The following PLPPR4 variants were observed in gnomAD, a reference collection of about 807,000 sequenced individuals.
PLPPR4 encodes the protein phospholipid phosphatase-related protein type 4.
In PLPPR4, 24 loss-of-function variants were observed where a neutral mutation model predicts 56.6. That is an observed-to-expected ratio of 0.42 (90% CI 0.31 to 0.60). The LOEUF is 0.60. Among genes scored for constraint, PLPPR4 ranks in the 20% least tolerant of loss-of-function variants. The pLI, the probability that PLPPR4 is intolerant of heterozygous loss-of-function variation, is 0.13. For missense variants in PLPPR4, 654 were observed against 885.8 expected (o/e 0.74, Z 3.32); for synonymous variants, 326 against 328.1 (o/e 0.99, Z 0.07).
intron 2 of PLPPR4, among the ~76,000 whole-genome samples, chr1:99,293,201 G>C (rs1659665191): frequency 6.6e-6 from 1 of 152,128 alleles, no homozygotes; most frequent in Non-Finnish European, 1.5e-5. Flanking sequence ...TGAATAAAAA[G>C]ATCGGCTGAT....
chr1:99,302,041 CAT>C (rs1467862091), intron 6 of PLPPR4, 144 bp downstream of exon 6: 4 of 491,574 alleles, frequency 8.1e-6, no homozygotes, highest in Non-Finnish European at 1.4e-5. Flanking sequence ...TGCCAAAACA[CAT>C]ATCTCACTTT....
chr1:99,285,954 G>C (rs541945892), intron 1 of PLPPR4, among the ~76,000 whole-genome samples: 7 of 152,230 alleles, frequency 4.6e-5, no homozygotes, highest in African/African-American at 1.7e-4. Context: ...CTAAGCTATT[G>C]CTCCTTGGTG....
chr1:99,299,642 A>T (rs888670923), intron 4 of PLPPR4, among the ~76,000 whole-genome samples: 1 of 152,064 alleles, frequency 6.6e-6, no homozygotes, highest in African/African-American at 2.4e-5. Context: ...TCCATAAAAA[A>T]AATGTGAATT....
In PLPPR4 at chr1:99,301,788, T is replaced by C; in HGVS notation, c.713T>C (p.Phe238Ser). 1 of 1,612,646 alleles carries C rather than the reference T, an allele frequency of 6.2e-7. No individual in the cohort carries two copies. Among genetic ancestry groups the C allele is most frequent in the Non-Finnish European group, 8.5e-7 (1 of 1,178,980 alleles). Residue 238 changes from phenylalanine to serine, a missense_variant, in exon 6 of 7, where the codon TTT becomes TCT. Transcript: ENST00000370185. Reference sequence around the variant, plus strand: ...CTGAAACCTCTCTTGGTCTTCACATTTATCATCTGTGGAATAATCTGCGGG... The same window carrying C: ...CTGAAACCTCTCTTGGTCTTCACATCTATCATCTGTGGAATAATCTGCGGG... ...KLLKPLLVFT[F>S]IICGIICGLT...
chr1:99,282,838 A>G (rs1398947227), intron 1 of PLPPR4, among the ~76,000 whole-genome samples: 2 of 151,452 alleles, frequency 1.3e-5, no homozygotes, highest in African/African-American at 4.9e-5. Flanking sequence ...CACCTACTCA[A>G]ATAGGTCTTC....
intron 1 of PLPPR4, among the ~76,000 whole-genome samples, chr1:99,271,325 C>T (rs1158193128): frequency 6.6e-6 from 1 of 152,164 alleles, no homozygotes; most frequent in Non-Finnish European, 1.5e-5. Flanking sequence ...ACCAGGGACA[C>T]ATAGCAATGA....
At chr1:99,280,747 T>C (rs1183202245) in intron 1 of PLPPR4, among the ~76,000 whole-genome samples, 1 of 152,180 alleles carries the variant, frequency 6.6e-6, no homozygotes, top group African/African-American at 2.4e-5. Flanking sequence ...GAAATAAATG[T>C]GGAACCATAA....
At chr1:99,297,019 C>A in intron 3 of PLPPR4, 152 bp downstream of exon 3, 1 of 855,302 alleles carries the variant, frequency 1.2e-6, no homozygotes, top group Non-Finnish European at 1.6e-6. Context: ...ACTGTTAAAA[C>A]ACCAAAATTT....
chr1:99,285,904 A>T (rs1456710319), intron 1 of PLPPR4, among the ~76,000 whole-genome samples: 2 of 152,188 alleles, frequency 1.3e-5, no homozygotes, highest in Non-Finnish European at 2.9e-5. Flanking sequence ...TAGGTTAAGC[A>T]TGTGTGATAT....
intron 3 of PLPPR4, among the ~76,000 whole-genome samples, chr1:99,297,669 T>G (rs1659776263): frequency 6.6e-6 from 1 of 152,156 alleles, no homozygotes; most frequent in African/African-American, 2.4e-5. Flanking sequence ...CAAATTTCTT[T>G]CCCACAAGAG....
At chr1:99,264,240 C>G, upstream of PLPPR4, 1 of 558,484 alleles carries the variant, frequency 1.8e-6, no homozygotes, top group Non-Finnish European at 3.1e-6. Context: ...GCTCCGACAG[C>G]CTTGGAGCGT....
chr1:99,268,617 A>G (rs1047210769), intron 1 of PLPPR4, among the ~76,000 whole-genome samples: 1 of 152,166 alleles, frequency 6.6e-6, no homozygotes, highest in African/African-American at 2.4e-5. Flanking sequence ...GTTGACAGTA[A>G]TATTAGATGG....
chr1:99,299,144 C>T lies in PLPPR4; in HGVS notation c.504C>T (p.Thr168=), dbSNP rs1212417255. 1.9e-6 allele frequency: 3 copies of T among 1,613,026 alleles called. No homozygotes were observed. The highest frequency in any genetic ancestry group is 2.5e-6 in the Non-Finnish European group (3 of 1,179,246). ...YFLTVCKPNY[T]SLNVSCKENS... ...TGACTGTGTGCAAACCAAACTATAC[C>T]TCTCTGAATGTATCTTGCAAAGAAA... Residue 168 remains threonine, a synonymous_variant, in exon 4 of 7, where the codon ACC becomes ACT. Transcript: ENST00000370185.
intron 2 of PLPPR4, among the ~76,000 whole-genome samples, chr1:99,291,217 G>A (rs778885181): frequency 3.9e-5 from 6 of 152,118 alleles, no homozygotes; most frequent in Non-Finnish European, 8.8e-5. Context: ...TTAGAGAAAT[G>A]CAAATCAAAA....
chr1:99,280,084 A>C (rs1659283886), intron 1 of PLPPR4, among the ~76,000 whole-genome samples: 1 of 152,128 alleles, frequency 6.6e-6, no homozygotes, highest in African/African-American at 2.4e-5. Flanking sequence ...TTCAAACTGC[A>C]CCTTTCCCCT....
At chr1:99,267,884 G>A (rs1257283615) in intron 1 of PLPPR4, among the ~76,000 whole-genome samples, 1 of 152,184 alleles carries the variant, frequency 6.6e-6, no homozygotes, top group African/African-American at 2.4e-5. Context: ...AAAGTACTTA[G>A]TATGTACTAA....
intron 2 of PLPPR4, among the ~76,000 whole-genome samples, chr1:99,290,151 G>A (rs897433032): frequency 1.3e-5 from 2 of 151,958 alleles, no homozygotes; most frequent in Admixed American, 6.6e-5. Flanking sequence ...CCCAACAACA[G>A]TTAAGCTGAG....
At chr1:99,295,382 A>G (rs942253195) in intron 2 of PLPPR4, among the ~76,000 whole-genome samples, 1 of 152,224 alleles carries the variant, frequency 6.6e-6, no homozygotes, top group African/African-American at 2.4e-5. Flanking sequence ...AAAAAAAACT[A>G]TAATTTTGAA....
At chr1:99,296,064 T>C (rs1267212874) in intron 2 of PLPPR4, among the ~76,000 whole-genome samples, 1 of 152,286 alleles carries the variant, frequency 6.6e-6, no homozygotes, top group East Asian at 1.9e-4. Context: ...CCATGTTCCT[T>C]ATCTTAAGAG....
Sources: gnomAD v4.1 joint callset for allele counts (sites outside exome capture counted in the v4.1 genomes callset) on GRCh38, gnomAD v4.1.1 for gene constraint, MANE v1.5 for transcripts, NCBI Gene and HGNC (gene_info 2026-07-23, HGNC 2026-07-21) for gene names.